The following SUPT5H variants were observed in gnomAD, a reference collection of about 807,000 sequenced individuals.
The protein encoded by SUPT5H is SPT5 homolog, DSIF elongation factor subunit, also known as transcription elongation factor SPT5.
Under a neutral mutation model 142.5 loss-of-function variants are expected in SUPT5H, and 24 were observed. That is an observed-to-expected ratio of 0.17 (90% CI 0.12 to 0.24). The LOEUF (loss-of-function observed/expected upper bound fraction) is 0.24. SUPT5H is among the 10% of genes least tolerant of loss of function. SUPT5H has a pLI of 1.00. For synonymous variants in SUPT5H, 546 were observed against 553.0 expected (o/e 0.99, Z 0.18); for missense variants, 893 against 1,471.8 (o/e 0.61, Z 6.43).
In SUPT5H at chr19:39,469,735, G is replaced by A; in HGVS notation, c.1374+337G>A. The A allele has an allele frequency of 2.0e-6, 1 of 493,792 alleles. No individual in the cohort carries two copies. The highest frequency in any genetic ancestry group is 3.7e-6 in the Non-Finnish European group (1 of 269,656). The allele number at this position is 493,792 out of a possible 1,614,324, so 30.6% of individuals were successfully genotyped here. Reference sequence around the variant, plus strand: ...TTTGCTTAGAGCGGGGTGTGTGTTTGTCTGTGTCTGGTGTATGTCTGAGGG... The same window carrying A: ...TTTGCTTAGAGCGGGGTGTGTGTTTATCTGTGTCTGGTGTATGTCTGAGGG... On this transcript the variant is annotated intron_variant, in intron 16 of 29. Coordinates refer to ENST00000432763, the MANE Select transcript of SUPT5H (RefSeq NM_001111020.3). This position sits in a 1 kb window ranked among gnomAD's most constrained non-coding sequence, Gnocchi z 5.1.
At chr19:39,450,631 A>G (rs1477513088) in intron 2 of SUPT5H, among the ~76,000 whole-genome samples, 1 of 152,222 alleles carries the variant, frequency 6.6e-6, no homozygotes, top group Non-Finnish European at 1.5e-5. Context: ...AGGGGAACAA[A>G]TGGTCAGGTT....
At chr19:39,453,258 C>G in intron 2 of SUPT5H, 98 bp from the exon 3 acceptor site, 1 of 1,416,016 alleles carries the variant, frequency 7.1e-7, no homozygotes, top group Middle Eastern at 2.1e-4. Context: ...CTATGATTGG[C>G]CAGGCCAATC....
chr19:39,451,837 T>G (rs1229648164), intron 2 of SUPT5H, among the ~76,000 whole-genome samples: 8 of 152,206 alleles, frequency 5.3e-5, no homozygotes, highest in Admixed American at 3.9e-4. Flanking sequence ...TGACCAGATT[T>G]CAGATTTTTG....
At chr19:39,459,464 G>A in intron 8 of SUPT5H, 95 bp from the exon 9 acceptor site, 1 of 1,512,164 alleles carries the variant, frequency 6.6e-7, no homozygotes, top group Middle Eastern at 1.7e-4. Context: ...GAACCTGGAT[G>A]TGAAACCAGA....
chr19:39,460,835 T>G (rs993558794), intron 10 of SUPT5H, among the ~76,000 whole-genome samples: 1 of 152,162 alleles, frequency 6.6e-6, no homozygotes, highest in East Asian at 1.9e-4. Flanking sequence ...GGGCAAACGC[T>G]ATGAAGGGTG....
At chr19:39,462,491 C>G (rs12974101) in intron 10 of SUPT5H, among the ~76,000 whole-genome samples, 24,569 of 151,970 alleles carry the variant, frequency 0.16, 2,055 homozygotes, top group Non-Finnish European at 0.18. Flanking sequence ...TTAATGTTTT[C>G]AAGACTCATC....
intron 2 of SUPT5H, among the ~76,000 whole-genome samples, chr19:39,450,281 T>G (rs2079004601): frequency 7.0e-6 from 1 of 143,770 alleles, no homozygotes; most frequent in South Asian, 2.2e-4. Context: ...GGAGGCACAG[T>G]TTTTTTTTTT....
At position 39,470,373 on chromosome 19, in the gene SUPT5H, G is replaced by T. The variant is rs760035067; in HGVS notation, c.1531-4G>T. On this transcript the variant is annotated splice_polypyrimidine_tract_variant and splice_region_variant and intron_variant, in intron 17 of 29. Coordinates refer to ENST00000432763, the MANE Select transcript of SUPT5H (RefSeq NM_001111020.3). This position sits in a 1 kb window ranked among gnomAD's most constrained non-coding sequence, Gnocchi z 5.8. ...GGCCTCACCCCTTTCACCATCCCTG[G>T]CAGCTGAAGGTGCTCCCCCGGGACC... 6 of 1,558,090 alleles carry T rather than the reference G, an allele frequency of 3.9e-6. No individual in the cohort carries two copies. The Admixed American group carries it at 9.3e-5, about 24-fold the overall frequency.
chr19:39,453,012 C>CA lies in SUPT5H; in HGVS notation c.76-327dup, dbSNP rs201092518. Among the ~76,000 whole-genome samples, 176 of 109,264 alleles carry CA rather than the reference C, an allele frequency of 1.6e-3. 1 individual carries two copies. The highest frequency in any genetic ancestry group is 2.1e-3 in the Non-Finnish European group (111 of 52,112). The allele number at this position is 109,264 out of a possible 152,430, so 71.7% of individuals were successfully genotyped here. Reference sequence around the variant, plus strand: ...TGGGAGACAGAGTGGGACTCTGTCTCAAAAAAAAAAAAAAAAAGAGAGAGA... The same window carrying CA: ...TGGGAGACAGAGTGGGACTCTGTCTCAAAAAAAAAAAAAAAAAAGAGAGAGA... On this transcript the variant is annotated intron_variant, in intron 2 of 29. Transcript: ENST00000432763.
intron 4 of SUPT5H, 98 bp downstream of exon 4, chr19:39,457,838 C>T (rs1375208528): frequency 5.2e-6 from 8 of 1,553,380 alleles, no homozygotes; most frequent in Admixed American, 1.9e-5. Flanking sequence ...CCTGTACACC[C>T]CAACTCCCAC....
In SUPT5H at chr19:39,457,522, C is replaced by T. The variant is rs569426088; in HGVS notation, c.242-153C>T. On this transcript the variant is annotated intron_variant, in intron 3 of 29. Transcript: ENST00000432763. ...TGATGCGTGCACCAGCTCTGTGGCA[C>T]GGCCCCAGACGAGTGCCTCCCTGTT... is the stretch of plus-strand genomic sequence containing the variant. Among the ~76,000 whole-genome samples, 8 of 152,214 alleles carry T rather than the reference C, an allele frequency of 5.3e-5. No homozygotes were observed. In the East Asian group the frequency reaches 7.7e-4, roughly 15 times the overall value.
rs921030722 is a variant in SUPT5H at position 39,473,671 on chromosome 19, A to C, written c.2492+150A>C. 1 of 1,016,194 alleles carries C rather than the reference A, an allele frequency of 9.8e-7. No homozygotes were observed. Among genetic ancestry groups the C allele is most frequent in the African/African-American group, 1.6e-5 (1 of 61,642 alleles). The allele number at this position is 1,016,194 out of a possible 1,614,324, so 62.9% of individuals were successfully genotyped here. On this transcript the variant is annotated intron_variant, in intron 25 of 29. Coordinates refer to ENST00000432763, the MANE Select transcript of SUPT5H (RefSeq NM_001111020.3). This position sits in a 1 kb window ranked among gnomAD's most constrained non-coding sequence, Gnocchi z 5.8. ...GTCCCTTTGAAGGAGGAGGCATAGCATGGCGGGGCGGGGGCAAAGCGGCCT... is the reference window on the plus strand; with the variant it reads ...GTCCCTTTGAAGGAGGAGGCATAGCCTGGCGGGGCGGGGGCAAAGCGGCCT...
intron 2 of SUPT5H, among the ~76,000 whole-genome samples, chr19:39,446,684 A>G (rs1005280769): frequency 2.0e-5 from 3 of 152,182 alleles, no homozygotes; most frequent in South Asian, 2.1e-4. Context: ...CGGTAACACA[A>G]CGGGACCCTG....
At chr19:39,447,139 G>T (rs1367774916) in intron 2 of SUPT5H, among the ~76,000 whole-genome samples, 2 of 152,136 alleles carry the variant, frequency 1.3e-5, no homozygotes, top group African/African-American at 2.4e-5. Context: ...CTGCAGCCTG[G>T]GTGACAGAGT....
At chr19:39,471,986 CAAA>C (rs2079327221) in intron 20 of SUPT5H, 1 of 536,754 alleles carries the variant, frequency 1.9e-6, no homozygotes, top group African/African-American at 1.9e-5. Context: ...GTGAACAAGA[CAAA>C]AATACTCTGC....
Position 39,472,467 on chromosome 19 carries a change from G to A in SUPT5H, c.2009G>A (p.Ser670Asn). 9 of 1,614,044 alleles carry A rather than the reference G, an allele frequency of 5.6e-6. No homozygotes were observed. The highest frequency in any genetic ancestry group is 7.6e-6 in the Non-Finnish European group (9 of 1,179,982). Residue 670 changes from serine to asparagine, a missense_variant, in exon 21 of 30, where the codon AGC becomes AAC. Coordinates refer to ENST00000432763, the MANE Select transcript of SUPT5H (RefSeq NM_001111020.3). The surrounding 1 kb of genome is among the most constrained non-coding windows in gnomAD (Gnocchi z 4.2). The stretch of plus-strand genomic sequence containing the variant: ...TTTGCGCCTATGAGTCCCCGGATCA[G>A]CAGCCCCATGCACCCCAGTGCTGGA... ...GGFAPMSPRI[S>N]SPMHPSAGGQ...
Position 39,474,007 on chromosome 19 carries a change from C to T in SUPT5H, c.2537C>T (p.Pro846Leu), listed in dbSNP as rs756181782. 1.7e-5 allele frequency: 28 copies of T among 1,613,890 alleles called. No individual in the cohort carries two copies. The highest frequency in any genetic ancestry group is 2.2e-5 in the East Asian group (1 of 44,886). ...YEYAFDDEPT[P>L]SPQAYGGTPN... ...TATGCTTTCGATGATGAGCCCACCC[C>T]GTCCCCGCAGGCCTATGGGGGAACC... The change falls in exon 26 of 30, where the codon CCG (proline) becomes CTG (leucine). Residue 846 changes from proline to leucine, a missense_variant. Around this residue, in one of 6 missense-constraint regions of SUPT5H, gnomAD observed 336 missense variants for 546.5 expected, o/e 0.61. Coordinates refer to ENST00000432763, the MANE Select transcript of SUPT5H (RefSeq NM_001111020.3). This position sits in a 1 kb window ranked among gnomAD's most constrained non-coding sequence, Gnocchi z 6.5.
Position 39,458,454 on chromosome 19 carries a change from AGTTCTGGGG to A in SUPT5H, c.319+150_319+158del. On this transcript the variant is annotated intron_variant, in intron 5 of 29. Coordinates refer to ENST00000432763, the MANE Select transcript of SUPT5H (RefSeq NM_001111020.3). The surrounding 1 kb of genome is among the most constrained non-coding windows in gnomAD (Gnocchi z 4.2). ...ACCCATGTAGGATCCAGAGTCAGGG[AGTTCTGGGG>A]CCAGGTATACCCCAGTTGTTGACCT... The A allele has an allele frequency of 7.1e-7, 1 of 1,398,752 alleles. No homozygotes were observed. The highest frequency in any genetic ancestry group is 9.7e-7 in the Non-Finnish European group (1 of 1,029,186). The allele number at this position is 1,398,752 out of a possible 1,614,324, so 86.6% of individuals were successfully genotyped here. A position where few individuals can be genotyped will look rare whatever the true frequency, so the allele number is the denominator to read the frequency against.
At chr19:39,463,651 T>C (rs2079195182) in intron 10 of SUPT5H, among the ~76,000 whole-genome samples, 1 of 152,246 alleles carries the variant, frequency 6.6e-6, no homozygotes, top group Non-Finnish European at 1.5e-5. Context: ...GTTCTGTCTA[T>C]AGCTGGCTAT....
Sources: gnomAD v4.1 joint callset for allele counts (sites outside exome capture counted in the v4.1 genomes callset) on GRCh38, gnomAD v4.1.1 for gene constraint, gnomAD v4.1.1 regional missense constraint, Gnocchi (gnomAD v3.1) non-coding constraint, MANE v1.5 for transcripts, NCBI Gene and HGNC (gene_info 2026-07-23, HGNC 2026-07-21) for gene names.